Variants in FOCAD observed in about 807,000 individuals in gnomAD.
The protein encoded by FOCAD is KIAA1797.
Under a neutral mutation model 225.6 loss-of-function variants are expected in FOCAD, and 198 were observed. The ratio of observed to expected loss-of-function variants is 0.88; its 90% CI spans 0.78 to 0.99. FOCAD has a LOEUF of 0.99. FOCAD is among the 50% of genes least tolerant of loss of function. FOCAD has a pLI of 0.00. For synonymous variants in FOCAD, 897 were observed against 755.0 expected, an observed-to-expected ratio of 1.19 and a Z score of -3.08; for missense variants, 2,713 against 2,123.6, an observed-to-expected ratio of 1.28 and a Z score of -5.46.
chr9:20,769,704 T>C (rs1375869827), intron 7 of FOCAD, among the ~76,000 whole-genome samples: 1 of 152,248 alleles, frequency 6.6e-6, no homozygotes, highest in East Asian at 1.9e-4. Context: ...AATTCAAAAC[T>C]AAACTTAATT....
chr9:20,870,795 G>C (rs560838730), intron 18 of FOCAD, among the ~76,000 whole-genome samples: 1 of 152,212 alleles, frequency 6.6e-6, no homozygotes, highest in African/African-American at 2.4e-5. Context: ...GATAGGTTAA[G>C]TGTGTTAAAT....
chr9:20,946,795 G>C lies in FOCAD; in HGVS notation c.3650G>C (p.Arg1217Pro). ...TEAEDVMNKLRLLVENSQQTS... is the reference protein window; with the variant it reads ...TEAEDVMNKLPLLVENSQQTS... ...GCTGAGGATGTTATGAACAAGCTTC[G>C]ACTGTTAGTGGAGAATAGCCAGCAG... Residue 1217 changes from arginine (R) to proline (P), a missense_variant, in exon 30 of 44, where the codon CGA (arginine) becomes CCA (proline). By Grantham distance (103) the Arg-to-Pro change is moderately radical. Transcript: ENST00000338382. 6.2e-7 allele frequency: 1 copy of C among 1,613,714 alleles called. No individual in the cohort carries two copies. The highest frequency in any genetic ancestry group is 8.5e-7 in the Non-Finnish European group (1 of 1,179,740).
intron 20 of FOCAD, among the ~76,000 whole-genome samples, 153 bp downstream of exon 20, chr9:20,882,209 G>A (rs113184622): frequency 2.6e-5 from 4 of 152,256 alleles, no homozygotes; most frequent in South Asian, 4.1e-4. Flanking sequence ...AAAAGACATC[G>A]CAGAACTGTA....
chr9:20,753,501 G>C (rs1828759127), intron 5 of FOCAD, among the ~76,000 whole-genome samples: 1 of 151,880 alleles, frequency 6.6e-6, no homozygotes, highest in African/African-American at 2.4e-5. Flanking sequence ...TTCATCCCAG[G>C]GATGAAGCCC....
At chr9:20,843,246 T>A (rs952495686) in intron 15 of FOCAD, among the ~76,000 whole-genome samples, 1 of 152,106 alleles carries the variant, frequency 6.6e-6, no homozygotes, top group African/African-American at 2.4e-5. Flanking sequence ...AACATCCTTT[T>A]CTTTCAGATT....
At chr9:20,857,050 C>T (rs1398363073) in intron 15 of FOCAD, among the ~76,000 whole-genome samples, 4 of 151,840 alleles carry the variant, frequency 2.6e-5, no homozygotes, top group Non-Finnish European at 4.4e-5. Context: ...TGTTTTTACT[C>T]AGGATGGTTT....
At chr9:20,799,125 A>G (rs1821484835) in intron 11 of FOCAD, among the ~76,000 whole-genome samples, 1 of 152,220 alleles carries the variant, frequency 6.6e-6, no homozygotes, top group Non-Finnish European at 1.5e-5. Context: ...CTTTAGGAGC[A>G]GGTCATTCAG....
In FOCAD at chr9:20,952,985, T is replaced by A; in HGVS notation, c.4052T>A (p.Val1351Asp). The A allele has an allele frequency of 6.2e-7, 1 of 1,612,882 alleles. No homozygotes were observed. The part of the protein sequence containing the change: ...TLSSSQSRAS[V>D]PTDYSYLPES... ...ATTTGATCATTTTCTGTCTCCACAG[T>A]TCCTACTGACTATAGCTACTTGCCT... The change falls in exon 35 of 44, where the codon GTT becomes GAT. Residue 1351 changes from valine (V) to aspartate (D), a missense_variant and splice_region_variant. Transcript: ENST00000338382.
intron 18 of FOCAD, among the ~76,000 whole-genome samples, chr9:20,868,225 A>G (rs967634003): frequency 6.6e-6 from 1 of 152,138 alleles, no homozygotes; most frequent in Non-Finnish European, 1.5e-5. Context: ...ACACCTGCCA[A>G]TAGATTAGCT....
In FOCAD at chr9:20,745,345, C is replaced by T. The variant is rs550839771; in HGVS notation, c.392+5005C>T. ...GCTCAAGCGATCCACCTGCTTCGGC[C>T]TCCCAAAGTGCTGGGATTACAGGTG... is the stretch of plus-strand genomic sequence containing the variant. On this transcript the variant is annotated intron_variant, in intron 5 of 43. Transcript: ENST00000338382. Among the ~76,000 whole-genome samples, 68 of 152,250 alleles carry T rather than the reference C, an allele frequency of 4.5e-4. 1 individual carries two copies. In the South Asian group the frequency reaches 6.4e-3, roughly 14 times the overall value.
At chr9:20,992,591 C>T (rs1260328293) in intron 42 of FOCAD, among the ~76,000 whole-genome samples, 1 of 152,030 alleles carries the variant, frequency 6.6e-6, no homozygotes, top group African/African-American at 2.4e-5. Context: ...TCTCTCTGGG[C>T]CCATCAGAGT....
At position 20,920,126 on chromosome 9, in the gene FOCAD, G is replaced by A. The variant is rs571933963; in HGVS notation, c.2852+3189G>A. On this transcript the variant is annotated intron_variant, in intron 24 of 43. Coordinates refer to ENST00000338382, the MANE Select transcript of FOCAD (RefSeq NM_001375567.1). ...CAAACAAATTCACAAGAAAAAAACA[G>A]ACAACCCCATCAACAAGTGGGCGAA... is the stretch of plus-strand genomic sequence containing the variant. Among the ~76,000 whole-genome samples, 44 of 151,730 alleles carry A rather than the reference G, an allele frequency of 2.9e-4. 1 individual carries two copies. The East Asian group carries it at 7.3e-3, about 25-fold the overall frequency.
At chr9:20,693,417 C>T (rs553715021) in intron 1 of FOCAD, among the ~76,000 whole-genome samples, 1 of 152,272 alleles carries the variant, frequency 6.6e-6, no homozygotes, top group African/African-American at 2.4e-5. Flanking sequence ...TTACTTTTAT[C>T]CATAGCACTT....
chr9:20,758,807 T>G (rs201133042), intron 6 of FOCAD, among the ~76,000 whole-genome samples: 9 of 151,938 alleles, frequency 5.9e-5, no homozygotes, highest in Admixed American at 2.6e-4. Context: ...TATTCAATTA[T>G]GAAAAGAGGA....
At chr9:20,859,991 TTG>T (rs1409062194) in intron 15 of FOCAD, among the ~76,000 whole-genome samples, 1 of 151,994 alleles carries the variant, frequency 6.6e-6, no homozygotes, top group Non-Finnish European at 1.5e-5. Flanking sequence ...AATGTGATGG[TTG>T]TGTGGCTTTG....
chr9:20,836,863 A>G (rs2151001), intron 15 of FOCAD, among the ~76,000 whole-genome samples: 92,428 of 151,860 alleles, frequency 0.61, 28,498 homozygotes, highest in East Asian at 0.72. Flanking sequence ...AAAGAAAACA[A>G]TTATGTTGAC....
At chr9:20,900,146 C>T (rs774843925) in intron 21 of FOCAD, among the ~76,000 whole-genome samples, 1 of 151,924 alleles carries the variant, frequency 6.6e-6, no homozygotes, top group Non-Finnish European at 1.5e-5. Context: ...TTATCCTTGG[C>T]ATTTCTAACT....
chr9:20,810,670 C>T (rs1023334614), intron 11 of FOCAD, among the ~76,000 whole-genome samples: 1 of 152,060 alleles, frequency 6.6e-6, no homozygotes, highest in Admixed American at 6.6e-5. Context: ...CCAACCATTA[C>T]ATCATGATTT....
intron 1 of FOCAD, among the ~76,000 whole-genome samples, chr9:20,694,932 A>G (rs963616657): frequency 2.6e-5 from 4 of 152,216 alleles, no homozygotes; most frequent in Non-Finnish European, 5.9e-5. Context: ...AATCAGAATC[A>G]TGTAAGTTTC....
Sources: gnomAD v4.1 joint callset for allele counts (sites outside exome capture counted in the v4.1 genomes callset) on GRCh38, gnomAD v4.1.1 for gene constraint, MANE v1.5 for transcripts, NCBI Gene and HGNC (gene_info 2026-07-23, HGNC 2026-07-21) for gene names.